The following CDH12 variants were observed in gnomAD, a reference collection of about 807,000 sequenced individuals.
CDH12 encodes the protein cadherin-12.
Under a neutral mutation model 74.1 loss-of-function variants are expected in CDH12, and 41 were observed. The ratio of observed to expected loss-of-function variants is 0.55; its 90% CI spans 0.43 to 0.72. The LOEUF (loss-of-function observed/expected upper bound fraction) is 0.72, where lower values mean the gene tolerates loss of function less well. Among genes scored for constraint, CDH12 ranks in the 30% least tolerant of loss-of-function variants. CDH12 has a pLI of 0.00. For missense variants in CDH12, 945 were observed against 977.2 expected (o/e 0.97, Z 0.44); for synonymous variants, 399 against 355.0 (o/e 1.12, Z -1.39).
chr5:22,363,937 A>C (rs1346415840), intron 3 of CDH12, among the ~76,000 whole-genome samples: 1 of 152,194 alleles, frequency 6.6e-6, no homozygotes, highest in Admixed American at 6.5e-5. Flanking sequence ...GTTTTATTTG[A>C]TAGTTTTCAT....
At chr5:22,196,051 A>T (rs1750598388) in intron 4 of CDH12, among the ~76,000 whole-genome samples, 3 of 152,030 alleles carry the variant, frequency 2.0e-5, no homozygotes, top group Admixed American at 6.6e-5. Context: ...ATATTACAGA[A>T]GTTTTGGTAG....
At chr5:22,730,684 A>C (rs1193797155) in intron 1 of CDH12, among the ~76,000 whole-genome samples, 1 of 151,786 alleles carries the variant, frequency 6.6e-6, no homozygotes, top group East Asian at 1.9e-4. Context: ...TGAAGTTGGG[A>C]ACTCTCAAGT....
intron 3 of CDH12, among the ~76,000 whole-genome samples, chr5:22,394,308 G>T (rs1345097218): frequency 1.3e-5 from 2 of 152,132 alleles, no homozygotes; most frequent in Non-Finnish European, 2.9e-5. Flanking sequence ...GAACCACTAG[G>T]TTTTTGAGAC....
chr5:22,093,666 G>A (rs964775876), intron 4 of CDH12, among the ~76,000 whole-genome samples: 12 of 152,072 alleles, frequency 7.9e-5, no homozygotes, highest in Admixed American at 1.3e-4. Flanking sequence ...CTTCTTGGGC[G>A]AATAAAAATG....
At chr5:22,167,122 T>A (rs1186783421) in intron 4 of CDH12, among the ~76,000 whole-genome samples, 1 of 152,154 alleles carries the variant, frequency 6.6e-6, no homozygotes, top group Non-Finnish European at 1.5e-5. Context: ...TACATATGGA[T>A]GAGAAAAGAG....
At chr5:21,955,630 G>C (rs549118123) in intron 6 of CDH12, among the ~76,000 whole-genome samples, 2 of 151,960 alleles carry the variant, frequency 1.3e-5, no homozygotes, top group African/African-American at 4.8e-5. Context: ...CAGTTTCAGG[G>C]TGAATGAGAA....
intron 4 of CDH12, among the ~76,000 whole-genome samples, chr5:22,137,616 C>T (rs999406935): frequency 2.6e-5 from 4 of 152,090 alleles, no homozygotes; most frequent in Admixed American, 2.6e-4. Context: ...TTCCCAGGAG[C>T]AATTGGCATA....
intron 3 of CDH12, among the ~76,000 whole-genome samples, chr5:22,239,875 T>G (rs562620649): frequency 6.6e-6 from 1 of 152,302 alleles, no homozygotes; most frequent in East Asian, 1.9e-4. Flanking sequence ...CCTTTTTGCT[T>G]TAACGGAAAA....
chr5:22,040,081 A>G (rs1739462461), intron 5 of CDH12, among the ~76,000 whole-genome samples: 1 of 152,112 alleles, frequency 6.6e-6, no homozygotes, highest in Non-Finnish European at 1.5e-5. Context: ...ATTCAACAAA[A>G]TCTGAAGGAA....
intron 5 of CDH12, among the ~76,000 whole-genome samples, chr5:21,979,937 C>T (rs1331129381): frequency 6.6e-6 from 1 of 151,838 alleles, no homozygotes; most frequent in African/African-American, 2.4e-5. Context: ...TCCACATCCT[C>T]TCCAGCACCT....
At chr5:22,321,607 C>A (rs1738886122) in intron 3 of CDH12, among the ~76,000 whole-genome samples, 1 of 149,640 alleles carries the variant, frequency 6.7e-6, no homozygotes, top group Non-Finnish European at 1.5e-5. Context: ...AACTAACCTG[C>A]ACAATGTGCA....
chr5:22,288,547 G>A, intron 3 of CDH12, among the ~76,000 whole-genome samples: 1 of 152,226 alleles, frequency 6.6e-6, no homozygotes, highest in South Asian at 2.1e-4. Context: ...AGCAATGACA[G>A]ATCTATATTT....
chr5:22,465,074 G>A (rs1745674264), intron 2 of CDH12, among the ~76,000 whole-genome samples: 2 of 151,398 alleles, frequency 1.3e-5, no homozygotes, highest in Non-Finnish European at 2.9e-5. Flanking sequence ...AAGAGAGAGA[G>A]AGAGAACTCT....
At position 21,895,387 on chromosome 5, in the gene CDH12, G is replaced by A. The variant is rs147676145; in HGVS notation, c.527-40597C>T. ...TGAGTAGGCCGGCGGCCCTGGCACTGAGTAGAGAAGAGAAACTGTGGTTCT... is the reference window on the plus strand; with the variant it reads ...TGAGTAGGCCGGCGGCCCTGGCACTAAGTAGAGAAGAGAAACTGTGGTTCT... On this transcript the variant is annotated intron_variant, in intron 6 of 14. Coordinates refer to ENST00000382254, the MANE Select transcript of CDH12 (RefSeq NM_004061.5). Among the ~76,000 whole-genome samples, 25 of 152,314 alleles carry A rather than the reference G, an allele frequency of 1.6e-4. No homozygotes were observed. The East Asian group carries it at 4.8e-3, about 29-fold the overall frequency.
At chr5:22,468,687 T>C (rs71609293) in intron 2 of CDH12, among the ~76,000 whole-genome samples, 1 of 152,172 alleles carries the variant, frequency 6.6e-6, no homozygotes, top group African/African-American at 2.4e-5. Flanking sequence ...TTAATTATTG[T>C]TAATTTTATG....
Position 21,802,282 on chromosome 5 carries a change from G to T in CDH12, c.1141C>A (p.Pro381Thr), listed in dbSNP as rs770539702. 2.7e-5 allele frequency: 44 copies of T among 1,611,230 alleles called. 1 individual carries two copies. Among genetic ancestry groups the T allele is most frequent in the Middle Eastern group, 3.3e-4 (2 of 6,056 alleles). ...VKISVLDVDEPPVFSKPLYTM... is the reference protein window; with the variant it reads ...VKISVLDVDETPVFSKPLYTM... The stretch of plus-strand genomic sequence containing the variant: ...TAGAGCGGCTTGCTGAAAACCGGTG[G>T]CTCATCTACGTCCAGCACGCTGATC... The change falls in exon 10 of 15, where the codon CCA (proline) becomes ACA (threonine). Residue 381 changes from proline to threonine, a missense_variant. Pro to Thr is a conservative substitution (Grantham distance 38, BLOSUM62 -1). Around this residue, in one of 3 missense-constraint regions of CDH12, gnomAD observed 791 missense variants for 792.8 expected, o/e 1.00. Coordinates refer to ENST00000382254, the MANE Select transcript of CDH12 (RefSeq NM_004061.5).
chr5:22,724,733 A>G (rs984905090), intron 1 of CDH12, among the ~76,000 whole-genome samples: 1 of 151,830 alleles, frequency 6.6e-6, no homozygotes, highest in Non-Finnish European at 1.5e-5. Flanking sequence ...AAATGATGGC[A>G]TAATGTTCCA....
At chr5:22,632,341 C>T (rs901028814) in intron 1 of CDH12, among the ~76,000 whole-genome samples, 12 of 151,760 alleles carry the variant, frequency 7.9e-5, no homozygotes, top group African/African-American at 1.7e-4. Flanking sequence ...TGTGAGAATG[C>T]GCTAATACAT....
At chr5:22,850,237 A>G (rs767880370) in intron 1 of CDH12, among the ~76,000 whole-genome samples, 2 of 152,078 alleles carry the variant, frequency 1.3e-5, no homozygotes, top group Non-Finnish European at 2.9e-5. Context: ...TTGATATTCA[A>G]TACAGGCAGC....
Sources: allele counts gnomAD v4.1 joint callset (sites outside exome capture counted in the v4.1 genomes callset), GRCh38; gene constraint gnomAD v4.1.1; regional missense constraint gnomAD v4.1.1; transcripts MANE v1.5; gene names NCBI Gene and HGNC (gene_info 2026-07-23, HGNC 2026-07-21).